Variants in MAP4K4 observed in about 807,000 individuals in gnomAD.
The protein encoded by MAP4K4 is HPK/GCK-like kinase HGK.
MAP4K4 carries 38 observed loss-of-function variants against 189.6 expected under a neutral mutation model. The ratio of observed to expected loss-of-function variants is 0.20; its 90% confidence interval spans 0.15 to 0.26. The LOEUF (loss-of-function observed/expected upper bound fraction) is 0.26. MAP4K4 is among the 10% of genes least tolerant of loss of function. The pLI is 1.00. For synonymous variants in MAP4K4, 610 were observed against 624.3 expected (o/e 0.98, Z 0.34); for missense variants, 1,054 against 1,726.9 (o/e 0.61, Z 6.91).
intron 3 of MAP4K4, among the ~76,000 whole-genome samples, chr2:101,795,091 T>G (rs1229478114): frequency 1.3e-5 from 2 of 152,204 alleles, no homozygotes; most frequent in Non-Finnish European, 2.9e-5. Flanking sequence ...ACTTCACTCA[T>G]AGCCTTCCCA....
chr2:101,801,600 G>A (rs2148983733), intron 3 of MAP4K4, among the ~76,000 whole-genome samples: 1 of 152,264 alleles, frequency 6.6e-6, no homozygotes, highest in Admixed American at 6.5e-5. Flanking sequence ...TGCATTCTAG[G>A]TACAGTGAGC....
intron 6 of MAP4K4, among the ~76,000 whole-genome samples, chr2:101,830,222 TC>T (rs1201629142): frequency 6.6e-6 from 1 of 152,180 alleles, no homozygotes; most frequent in East Asian, 1.9e-4. Flanking sequence ...TGTTACTGTC[TC>T]CTTTGCCAGA....
At chr2:101,846,690 T>G (rs2097121512) in intron 12 of MAP4K4, among the ~76,000 whole-genome samples, 1 of 152,250 alleles carries the variant, frequency 6.6e-6, no homozygotes, top group South Asian at 2.1e-4. Context: ...ATGTTTTAAT[T>G]AGCCCATTAT....
chr2:101,781,593 C>T (rs1247629162), intron 2 of MAP4K4, among the ~76,000 whole-genome samples: 1 of 152,074 alleles, frequency 6.6e-6, no homozygotes, highest in South Asian at 2.1e-4. Flanking sequence ...TTGCTTTGGA[C>T]ATAACTAACC....
At chr2:101,880,643 G>A (rs1206650765) in intron 27 of MAP4K4, among the ~76,000 whole-genome samples, 1 of 151,814 alleles carries the variant, frequency 6.6e-6, no homozygotes, top group Admixed American at 6.6e-5. Context: ...CGAGTAGCTG[G>A]GATTATAGGC....
intron 12 of MAP4K4, among the ~76,000 whole-genome samples, chr2:101,850,391 T>C (rs1009369353): frequency 6.6e-6 from 1 of 152,216 alleles, no homozygotes; most frequent in African/African-American, 2.4e-5. Context: ...AACTGTGCCA[T>C]GCATGCATTA....
chr2:101,809,058 A>G (rs1369031319), intron 3 of MAP4K4, among the ~76,000 whole-genome samples: 2 of 152,114 alleles, frequency 1.3e-5, no homozygotes, highest in Non-Finnish European at 2.9e-5. Context: ...GTTTGTATTT[A>G]TTTATTTATT....
chr2:101,795,125 C>G (rs2093549146), intron 3 of MAP4K4, among the ~76,000 whole-genome samples: 1 of 152,132 alleles, frequency 6.6e-6, no homozygotes, highest in African/African-American at 2.4e-5. Flanking sequence ...CAAGTTGGGT[C>G]TCTTGGAGGT....
At chr2:101,851,394 A>C (rs183017552) in intron 12 of MAP4K4, among the ~76,000 whole-genome samples, 1 of 152,306 alleles carries the variant, frequency 6.6e-6, no homozygotes, top group East Asian at 1.9e-4. Context: ...TGTTCATTAA[A>C]ATTCCCTGGG....
chr2:101,755,622 C>A (rs1051764339), intron 2 of MAP4K4, among the ~76,000 whole-genome samples: 1 of 152,120 alleles, frequency 6.6e-6, no homozygotes, highest in Non-Finnish European at 1.5e-5. Flanking sequence ...GCTGCACACT[C>A]TTTTCTTCTT....
At chr2:101,753,278 A>G (rs542479230) in intron 2 of MAP4K4, among the ~76,000 whole-genome samples, 1 of 152,274 alleles carries the variant, frequency 6.6e-6, no homozygotes, top group East Asian at 1.9e-4. Flanking sequence ...CCTTTGATTT[A>G]AAGAGTTAAT....
intron 2 of MAP4K4, among the ~76,000 whole-genome samples, chr2:101,734,599 G>A (rs112151039): frequency 2.4e-3 from 370 of 152,178 alleles, no homozygotes; most frequent in Middle Eastern, 0.014. Context: ...CACAATCAGA[G>A]CCAATTCCTG....
chr2:101,837,805 A>G (rs1337106334), intron 9 of MAP4K4, among the ~76,000 whole-genome samples: 4 of 152,302 alleles, frequency 2.6e-5, no homozygotes, highest in African/African-American at 9.6e-5. Flanking sequence ...CCCATTAGCT[A>G]CAGTTCTGTA....
intron 5 of MAP4K4, among the ~76,000 whole-genome samples, chr2:101,826,469 C>T (rs1057144236): frequency 6.6e-6 from 1 of 152,076 alleles, no homozygotes; most frequent in Non-Finnish European, 1.5e-5. Context: ...TAAACACTTG[C>T]AAATGTCATT....
chr2:101,721,903 A>T (rs570503170), intron 2 of MAP4K4, among the ~76,000 whole-genome samples: 1 of 152,214 alleles, frequency 6.6e-6, no homozygotes, highest in Non-Finnish European at 1.5e-5. Context: ...CCTAAACCCA[A>T]TAAAAGCCAG....
chr2:101,831,943 C>A, intron 7 of MAP4K4, 92 bp downstream of exon 7: 2 of 1,437,700 alleles, frequency 1.4e-6, no homozygotes, highest in Non-Finnish European at 1.9e-6. Context: ...CCCTTGTCTG[C>A]CTGCCTTTTC....
rs1415603322 is a variant in MAP4K4 at position 101,797,842 on chromosome 2, T to G, written c.180+7066T>G. Reference sequence around the variant, plus strand: ...ACAGCAGTTTTTTTCAACCTTCCGTTTTTTTGACTGTCTCCTCCCTATGAA... The same window carrying G: ...ACAGCAGTTTTTTTCAACCTTCCGTGTTTTTGACTGTCTCCTCCCTATGAA... On this transcript the variant is annotated intron_variant, in intron 3 of 32. Transcript: ENST00000324219. 2.7e-5 allele frequency among the ~76,000 whole-genome samples: 4 copies of G among 150,186 alleles called. No homozygotes were observed. The East Asian group carries it at 7.8e-4, about 29-fold the overall frequency.
intron 17 of MAP4K4, among the ~76,000 whole-genome samples, chr2:101,864,392 A>G (rs2097759888): frequency 6.6e-6 from 1 of 152,206 alleles, no homozygotes; most frequent in South Asian, 2.1e-4. Context: ...ATTAATGTCA[A>G]AATTTTTAGA....
exon 33 of MAP4K4, chr2:101,894,011 G>C (rs1443414870): frequency 6.6e-6 from 1 of 152,368 alleles, no homozygotes; most frequent in Non-Finnish European, 1.5e-5. Flanking sequence ...TTGTCAACCA[G>C]ATTGAGTTGC....
Sources: allele counts gnomAD v4.1 joint callset (sites outside exome capture counted in the v4.1 genomes callset), GRCh38; gene constraint gnomAD v4.1.1; transcripts MANE v1.5; gene names NCBI Gene and HGNC (gene_info 2026-07-23, HGNC 2026-07-21).